The following EYS variants were observed in gnomAD, a reference collection of about 807,000 sequenced individuals.
EYS encodes the protein EGF-like photoreceptor maintenance factor.
Under a neutral mutation model 282.1 loss-of-function variants are expected in EYS, and 250 were observed. The observed-to-expected ratio is 0.89, with a 90% confidence interval of 0.80 to 0.98. The LOEUF is 0.98. EYS is among the 50% of genes least tolerant of loss of function. The probability of loss-of-function intolerance (pLI) is 0.00; values close to 1 mark genes in which losing one functional copy is unlikely to be tolerated. For missense variants in EYS, 4,016 were observed against 3,709.0 expected, an observed-to-expected ratio of 1.08 and a Z score of -2.15; for synonymous variants, 1,355 against 1,282.9, an observed-to-expected ratio of 1.06 and a Z score of -1.20.
At chr6:64,166,672 A>G (rs978840036) in intron 31 of EYS, among the ~76,000 whole-genome samples, 3 of 152,222 alleles carry the variant, frequency 2.0e-5, no homozygotes, top group Admixed American at 2.0e-4. Flanking sequence ...CTAATGAAGC[A>G]TTCTGGGAAG....
At chr6:65,430,510 T>C (rs1405696879) in intron 5 of EYS, among the ~76,000 whole-genome samples, 1 of 152,156 alleles carries the variant, frequency 6.6e-6, no homozygotes, top group Non-Finnish European at 1.5e-5. Context: ...GTCCTAGCAC[T>C]GAACTAAGCT....
chr6:63,954,035 G>A (rs1051462623), intron 35 of EYS, among the ~76,000 whole-genome samples: 5 of 152,086 alleles, frequency 3.3e-5, no homozygotes, highest in Non-Finnish European at 5.9e-5. Flanking sequence ...TCTGCTCCCT[G>A]GTTCATTTAG....
chr6:65,362,874 T>A (rs1174714991), intron 8 of EYS, among the ~76,000 whole-genome samples: 2 of 152,058 alleles, frequency 1.3e-5, no homozygotes, highest in African/African-American at 4.8e-5. Context: ...ATTAAACTCT[T>A]ATCATTGCTT....
At position 64,649,722 on chromosome 6, in the gene EYS, C is replaced by G. The variant is rs567806377; in HGVS notation, c.3444-23477G>C. Among the ~76,000 whole-genome samples, 9 of 152,174 alleles carry G rather than the reference C, an allele frequency of 5.9e-5. No homozygotes were observed. In the South Asian group the frequency reaches 1.7e-3, roughly 28 times the overall value. ...ATTTTACCATCACTAATTTATCTGA[C>G]AAATATCTCAAAGACATGACAAATC... On this transcript the variant is annotated intron_variant, in intron 22 of 42. Transcript: ENST00000503581.
chr6:63,877,140 A>C (rs1019036418), intron 35 of EYS, among the ~76,000 whole-genome samples: 10 of 152,162 alleles, frequency 6.6e-5, no homozygotes, highest in African/African-American at 2.4e-4. Flanking sequence ...TGCTTCCTTC[A>C]GGAGCTCTTT....
At chr6:64,568,550 C>G (rs1440430981) in intron 26 of EYS, among the ~76,000 whole-genome samples, 2 of 152,162 alleles carry the variant, frequency 1.3e-5, no homozygotes, top group Admixed American at 1.3e-4. Flanking sequence ...CAGCTGTGGG[C>G]AGCTTCAGCA....
chr6:63,925,002 G>A (rs754688593), intron 35 of EYS, among the ~76,000 whole-genome samples: 20 of 152,094 alleles, frequency 1.3e-4, no homozygotes, highest in Non-Finnish European at 2.4e-4. Flanking sequence ...AAACAAGCTC[G>A]TTCATATGTA....
chr6:65,540,505 T>C (rs1201777514), intron 2 of EYS, among the ~76,000 whole-genome samples: 6 of 152,254 alleles, frequency 3.9e-5, no homozygotes, highest in African/African-American at 1.2e-4. Context: ...AGGGAATTAA[T>C]TATTTTAGCT....
At chr6:65,688,925 G>A (rs929494740) in intron 1 of EYS, among the ~76,000 whole-genome samples, 1 of 151,640 alleles carries the variant, frequency 6.6e-6, no homozygotes, top group Non-Finnish European at 1.5e-5. Context: ...CACTGTTGGT[G>A]GGACTGTAAA....
At chr6:65,219,303 T>G (rs1766398781) in intron 12 of EYS, among the ~76,000 whole-genome samples, 1 of 152,124 alleles carries the variant, frequency 6.6e-6, no homozygotes, top group African/African-American at 2.4e-5. Flanking sequence ...TGGTTCCAAA[T>G]AAACCGGAAT....
intron 5 of EYS, among the ~76,000 whole-genome samples, chr6:65,449,452 A>G (rs1027289174): frequency 6.6e-6 from 1 of 152,060 alleles, no homozygotes; most frequent in Non-Finnish European, 1.5e-5. Context: ...TCTTTCTCAA[A>G]CCTTATAAAT....
chr6:65,647,968 A>G (rs1767514007), intron 1 of EYS, among the ~76,000 whole-genome samples: 1 of 152,040 alleles, frequency 6.6e-6, no homozygotes, highest in Admixed American at 6.6e-5. Flanking sequence ...ATACAAATCA[A>G]AACCACGATG....
At position 65,284,011 on chromosome 6, in the gene EYS, A is replaced by G. The variant is rs1768292273; in HGVS notation, c.2023+11852T>C. On this transcript the variant is annotated intron_variant, in intron 12 of 42. Coordinates refer to ENST00000503581, the MANE Select transcript of EYS (RefSeq NM_001142800.2). ...CTAAACTCGATTGACTGAATGTTAT[A>G]TACGTTTTCCATCAAAGCGATGCAC... Among the ~76,000 whole-genome samples the G allele has an allele frequency of 2.6e-5, 4 of 152,242 alleles. 1 individual carries two copies. The South Asian group carries it at 8.3e-4, about 32-fold the overall frequency.
intron 22 of EYS, among the ~76,000 whole-genome samples, chr6:64,792,368 T>C (rs12662692): frequency 0.095 from 14,422 of 151,976 alleles, 884 homozygotes; most frequent in East Asian, 0.26. Flanking sequence ...TAGACATTTA[T>C]AAATATTAAA....
At chr6:64,838,483 T>G (rs1220720704) in intron 19 of EYS, among the ~76,000 whole-genome samples, 1 of 151,946 alleles carries the variant, frequency 6.6e-6, no homozygotes, top group East Asian at 1.9e-4. Flanking sequence ...GCACACAGCA[T>G]TTGCAGGCTT....
intron 22 of EYS, among the ~76,000 whole-genome samples, chr6:64,801,685 G>A (rs1373228045): frequency 2.0e-5 from 3 of 152,014 alleles, no homozygotes; most frequent in African/African-American, 7.3e-5. Flanking sequence ...GCTAATAGAT[G>A]TGTCAGAATT....
chr6:63,808,925 T>C (rs1191844127), intron 36 of EYS, among the ~76,000 whole-genome samples: 2 of 152,226 alleles, frequency 1.3e-5, no homozygotes, highest in African/African-American at 4.8e-5. Context: ...CACCTGTTTC[T>C]TTTAACTTTG....
intron 12 of EYS, among the ~76,000 whole-genome samples, chr6:65,113,167 ATC>A (rs1256509055): frequency 6.6e-6 from 1 of 152,052 alleles, no homozygotes; most frequent in Non-Finnish European, 1.5e-5. Context: ...AAAATGGCCC[ATC>A]TCTCTAGGGA....
At chr6:64,744,149 T>C (rs2149963500) in intron 22 of EYS, among the ~76,000 whole-genome samples, 1 of 152,262 alleles carries the variant, frequency 6.6e-6, no homozygotes, top group Non-Finnish European at 1.5e-5. Context: ...TATTTTGCCA[T>C]TCAATGAGCT....
Sources: allele counts gnomAD v4.1 joint callset (sites outside exome capture counted in the v4.1 genomes callset), GRCh38; gene constraint gnomAD v4.1.1; transcripts MANE v1.5; gene names NCBI Gene and HGNC (gene_info 2026-07-23, HGNC 2026-07-21).